SLC9A6: variants seen among roughly 807,000 people sequenced by gnomAD.
The protein encoded by SLC9A6 is sodium/hydrogen exchanger 6.
A neutral mutation model predicts 45.3 loss-of-function variants in SLC9A6; 6 were observed. That is an observed-to-expected ratio of 0.13 (90% CI 0.07 to 0.26). SLC9A6 has a LOEUF of 0.26. Ranked by LOEUF, SLC9A6 falls within the 10% of genes least tolerant of loss-of-function variation. The pLI, the probability that SLC9A6 is intolerant of heterozygous loss-of-function variation, is 1.00. For missense variants in SLC9A6, 278 were observed against 503.7 expected, an observed-to-expected ratio of 0.55 and a Z score of 4.29; for synonymous variants, 191 against 187.7, an observed-to-expected ratio of 1.02 and a Z score of -0.14.
chrX:135,995,940 A>G (rs782047351), intron 3 of SLC9A6, among the ~76,000 whole-genome samples: 11 of 107,728 alleles, frequency 1.0e-4, no homozygotes, highest in South Asian at 8.0e-4. Context: ...AAACGGCTCA[A>G]TGCCACTTTG....
At chrX:136,017,053 G>C (rs2071032066) in intron 11 of SLC9A6, among the ~76,000 whole-genome samples, 1 of 111,622 alleles carries the variant, frequency 9.0e-6, no homozygotes, top group Non-Finnish European at 1.9e-5. Context: ...GGAGAGGTTG[G>C]ATACTGGGGA....
intron 8 of SLC9A6, among the ~76,000 whole-genome samples, chrX:136,011,873 A>G (rs2070929409): frequency 9.0e-6 from 1 of 110,665 alleles, no homozygotes; most frequent in Non-Finnish European, 1.9e-5. Context: ...GGCGGATCAC[A>G]AGGTCGGGAG....
chrX:136,007,425 A>G (rs1376570855), intron 7 of SLC9A6, among the ~76,000 whole-genome samples: 10 of 111,083 alleles, frequency 9.0e-5, no homozygotes, highest in Admixed American at 5.8e-4. Context: ...TGGTTGAGAA[A>G]CCCTGGTGTT....
At position 136,022,622 on chromosome X, in the gene SLC9A6, C is replaced by A; in HGVS notation, c.1231C>A (p.Pro411Thr). 1.7e-6 allele frequency: 2 copies of A among 1,193,369 alleles called. No individual in the cohort carries two copies. The highest frequency in any genetic ancestry group is 1.1e-6 in the Non-Finnish European group (1 of 882,627). The change falls in exon 12 of 18, where the codon CCC (proline) becomes ACC (threonine). Residue 411 changes from proline (P) to threonine (T), a missense_variant. Transcript: ENST00000630721. ...CTTGGGAAGAGCTGCCAATATTTAC[C>A]CCTTGTCCCTCTTACTTAATTTGGG... ...IFLGRAANIY[P>T]LSLLLNLGRR...
chrX:136,024,701 A>G (rs1373209602), intron 13 of SLC9A6, among the ~76,000 whole-genome samples: 1 of 112,014 alleles, frequency 8.9e-6, no homozygotes, highest in Non-Finnish European at 1.9e-5. Context: ...TTTGCTATAC[A>G]TGATATATAT....
intron 7 of SLC9A6, chrX:136,010,235 G>A (rs1556618465): frequency 2.2e-5 from 6 of 267,746 alleles, no homozygotes; most frequent in Admixed American, 6.6e-5. Flanking sequence ...CCCCCCCCCC[G>A]AAATTAACAT....
intron 14 of SLC9A6, among the ~76,000 whole-genome samples, chrX:136,029,197 G>A (rs782483310): frequency 1.8e-5 from 2 of 111,244 alleles, no homozygotes; most frequent in African/African-American, 6.5e-5. Flanking sequence ...GGGGAGATGA[G>A]CAGGCAGGTA....
rs534265421 is a variant in SLC9A6, at chrX:136,003,149, C to T, written c.743+936C>T. 7.2e-5 allele frequency among the ~76,000 whole-genome samples: 8 copies of T among 110,436 alleles called. 1 individual carries two copies. Among genetic ancestry groups the T allele is most frequent in the African/African-American group, 2.3e-4 (7 of 30,372 alleles). On this transcript the variant is annotated intron_variant, in intron 7 of 17. Coordinates refer to ENST00000630721, the MANE Select transcript of SLC9A6 (RefSeq NM_001379110.1). ...GATTACAGGCTCCTACCACCACGCC[C>T]GGCTAATTTTTGTATTTTTAGTAGA...
In SLC9A6 at chrX:136,044,716, C is replaced by G; in HGVS notation, c.2032C>G (p.Pro678Ala). 8.3e-7 allele frequency: 1 copy of G among 1,210,080 alleles called. No individual in the cohort carries two copies. Among genetic ancestry groups the G allele is most frequent in the Non-Finnish European group, 1.1e-6 (1 of 894,158 alleles). ...TTTGTTAGATAATACGAGACATGGT[C>G]CAGCCTAAGCTTACTAATACTCACT... ...LNLLDNTRHG[P>A]A The change falls in exon 18 of 18, where the codon CCA becomes GCA. Residue 678 changes from proline to alanine, a missense_variant. Around this residue, in one of 5 missense-constraint regions of SLC9A6, gnomAD observed 91 missense variants for 125.1 expected, o/e 0.73. Transcript: ENST00000630721.
At chrX:135,989,726 G>A (rs1336127682) in intron 2 of SLC9A6, among the ~76,000 whole-genome samples, 1 of 111,479 alleles carries the variant, frequency 9.0e-6, no homozygotes, top group African/African-American at 3.3e-5. Flanking sequence ...TGGAATAATG[G>A]GCTGAAATCC....
chrX:135,988,536 T>C (rs986637967), intron 2 of SLC9A6, among the ~76,000 whole-genome samples: 4 of 102,808 alleles, frequency 3.9e-5, no homozygotes, highest in African/African-American at 1.4e-4. Context: ...TTCTCTCTCT[T>C]TCTTTCTTTC....
intron 17 of SLC9A6, among the ~76,000 whole-genome samples, 168 bp downstream of exon 17, chrX:136,040,349 C>T (rs782286002): frequency 1.8e-5 from 2 of 112,264 alleles, no homozygotes; most frequent in South Asian, 3.7e-4. Context: ...TACACTGAAA[C>T]CTATAAATAT....
At chrX:136,012,254 A>T (rs2097074801) in intron 8 of SLC9A6, among the ~76,000 whole-genome samples, 2 of 112,860 alleles carry the variant, frequency 1.8e-5, no homozygotes, top group South Asian at 7.2e-4. Flanking sequence ...CTGAGGCATA[A>T]AGCAGCAGTA....
intron 2 of SLC9A6, among the ~76,000 whole-genome samples, chrX:135,986,889 A>G (rs782497705): frequency 9.0e-6 from 1 of 111,492 alleles, no homozygotes; most frequent in Non-Finnish European, 1.9e-5. Context: ...TGTGCAGTAC[A>G]TGTGTGAAGA....
At chrX:135,990,819 G>T (rs1194556341) in intron 2 of SLC9A6, among the ~76,000 whole-genome samples, 6 of 111,555 alleles carry the variant, frequency 5.4e-5, no homozygotes, top group African/African-American at 2.0e-4. Context: ...CCATGGTTGG[G>T]CTTGGGGACA....
intron 15 of SLC9A6, among the ~76,000 whole-genome samples, chrX:136,032,673 A>G (rs907306173): frequency 2.7e-5 from 3 of 111,985 alleles, no homozygotes; most frequent in African/African-American, 9.7e-5. Context: ...CAGGCTTACC[A>G]TGGAATTTCC....
chrX:136,000,254 CAAAAAAA>C (rs1212509294), intron 6 of SLC9A6, among the ~76,000 whole-genome samples: 40 of 15,779 alleles, frequency 2.5e-3, no homozygotes, highest in East Asian at 8.5e-3. Flanking sequence ...ACCCTGTCTC[CAAAAAAA>C]AAAAAAAAAA....
At position 136,022,600 on chromosome X, in the gene SLC9A6, G is replaced by A; in HGVS notation, c.1209G>A (p.Leu403=). ...FVVGAFVAIF[L]GRAANIYPLS... ...AATAATTTTAGGTTGCTATTTTCTTGGGAAGAGCTGCCAATATTTACCCCT... is the reference window on the plus strand; with the variant it reads ...AATAATTTTAGGTTGCTATTTTCTTAGGAAGAGCTGCCAATATTTACCCCT... The change falls in exon 12 of 18, where the codon TTG becomes TTA. Residue 403 remains leucine, a synonymous_variant. Coordinates refer to ENST00000630721, the MANE Select transcript of SLC9A6 (RefSeq NM_001379110.1). The A allele has an allele frequency of 8.5e-7, 1 of 1,177,428 alleles. No individual in the cohort carries two copies. The highest frequency in any genetic ancestry group is 1.2e-6 in the Non-Finnish European group (1 of 868,977).
chrX:135,994,743 G>A (rs1556616205), intron 2 of SLC9A6, 43 bp from the exon 3 acceptor site: 1 of 1,139,734 alleles, frequency 8.8e-7, no homozygotes, highest in South Asian at 1.8e-5. Context: ...CAAAAGAAGT[G>A]GTCTCTGTCG....
Sources: gnomAD v4.1 joint callset for allele counts (sites outside exome capture counted in the v4.1 genomes callset) on GRCh38, gnomAD v4.1.1 for gene constraint, gnomAD v4.1.1 regional missense constraint, MANE v1.5 for transcripts, NCBI Gene and HGNC (gene_info 2026-07-23, HGNC 2026-07-21) for gene names.